Variants in TACR3 observed in about 807,000 individuals in gnomAD.
TACR3 encodes the protein neuromedin-K receptor.
In TACR3, 34 loss-of-function variants were observed where a neutral mutation model predicts 35.0. The ratio of observed to expected loss-of-function variants is 0.97; its 90% CI spans 0.74 to 1.30. TACR3 has a LOEUF of 1.30. Among genes scored for constraint, TACR3 ranks in the 50% most tolerant of loss-of-function variants. The pLI, the probability that TACR3 is intolerant of heterozygous loss-of-function variation, is 0.00. For missense variants in TACR3, 558 were observed against 591.7 expected (o/e 0.94, Z 0.59); for synonymous variants, 233 against 221.1 (o/e 1.05, Z -0.48).
At position 103,606,218 on chromosome 4, in the gene TACR3, G is replaced by A. The variant is rs1411550980; in HGVS notation, c.889-14535C>T. On this transcript the variant is annotated intron_variant, in intron 3 of 4. Coordinates refer to ENST00000304883, the MANE Select transcript of TACR3 (RefSeq NM_001059.3). ...TTGGTACCAGTACCATGCTGTTTTG[G>A]TTACTGTAGCCTTGTAGTATAGTTT... is the stretch of plus-strand genomic sequence containing the variant. Among the ~76,000 whole-genome samples, 9 of 151,926 alleles carry A rather than the reference G, an allele frequency of 5.9e-5. No homozygotes were observed. The East Asian group carries it at 1.2e-3, about 20-fold the overall frequency.
intron 3 of TACR3, among the ~76,000 whole-genome samples, chr4:103,641,489 G>A (rs978267406): frequency 2.6e-5 from 4 of 151,912 alleles, no homozygotes; most frequent in African/African-American, 9.7e-5. Context: ...GCAAGAATGT[G>A]GAGAAAAGGG....
intron 3 of TACR3, among the ~76,000 whole-genome samples, chr4:103,622,435 TAGAAATCAG>T (rs1353673418): frequency 3.9e-5 from 6 of 152,002 alleles, no homozygotes; most frequent in African/African-American, 1.4e-4. Context: ...CATGAAAAGA[TAGAAATCAG>T]TGAAAGGCCA....
At chr4:103,675,767 A>G (rs1026806584) in intron 1 of TACR3, among the ~76,000 whole-genome samples, 3 of 152,044 alleles carry the variant, frequency 2.0e-5, no homozygotes, top group African/African-American at 7.2e-5. Context: ...CATTTCCTCC[A>G]TGTGTCTCCC....
chr4:103,609,891 C>G, intron 3 of TACR3, among the ~76,000 whole-genome samples: 1 of 152,024 alleles, frequency 6.6e-6, no homozygotes, highest in East Asian at 1.9e-4. Flanking sequence ...GTTTGTTCCT[C>G]TGTGGTTGGC....
In TACR3 at chr4:103,656,285, G is replaced by A. The variant is rs780755925; in HGVS notation, c.797C>T (p.Thr266Ile). The A allele has an allele frequency of 9.3e-6, 15 of 1,612,682 alleles. No individual in the cohort carries two copies. The highest frequency in any genetic ancestry group is 1.7e-5 in the Admixed American group (1 of 59,908). ...YCFPLLIMGI[T>I]YTIVGITLWG... ...GAGAGTAATTCCAACAATGGTGTAT[G>A]TAATACCCATGATGAGCAATGGGAA... The change falls in exon 3 of 5, where the codon ACA becomes ATA. Residue 266 changes from threonine to isoleucine, a missense_variant. By Grantham distance (89) the Thr-to-Ile change is moderately conservative (BLOSUM62 -1). Transcript: ENST00000304883.
At chr4:103,641,197 A>G (rs909595510) in intron 3 of TACR3, among the ~76,000 whole-genome samples, 1 of 151,906 alleles carries the variant, frequency 6.6e-6, no homozygotes, top group African/African-American at 2.4e-5. Context: ...ACCTTTGTTA[A>G]TATCAATTTA....
chr4:103,704,540 G>T (rs1191015152), intron 1 of TACR3, among the ~76,000 whole-genome samples: 1 of 152,160 alleles, frequency 6.6e-6, no homozygotes, highest in African/African-American at 2.4e-5. Context: ...ATGGTGGCAG[G>T]TGAGACAGAG....
At chr4:103,608,769 A>C (rs1484933247) in intron 3 of TACR3, among the ~76,000 whole-genome samples, 1 of 152,066 alleles carries the variant, frequency 6.6e-6, no homozygotes, top group Non-Finnish European at 1.5e-5. Flanking sequence ...GGAGGTGGAC[A>C]TTTCTTCATT....
Position 103,710,124 on chromosome 4 carries a change from C to T in TACR3, c.548+9004G>A, listed in dbSNP as rs557666777. Among the ~76,000 whole-genome samples the T allele has an allele frequency of 6.6e-4, 101 of 152,268 alleles. No individual in the cohort carries two copies. The South Asian group carries it at 0.011, about 16-fold the overall frequency. Reference sequence around the variant, plus strand: ...AAGACAGAAAGTTAACAAGGGTATCCAGGAATTGAACTCAGCTCTGCACCA... The same window carrying T: ...AAGACAGAAAGTTAACAAGGGTATCTAGGAATTGAACTCAGCTCTGCACCA... On this transcript the variant is annotated intron_variant, in intron 1 of 4. Transcript: ENST00000304883.
chr4:103,628,334 T>C (rs985980396), intron 3 of TACR3, among the ~76,000 whole-genome samples: 1 of 151,968 alleles, frequency 6.6e-6, no homozygotes, highest in African/African-American at 2.4e-5. Context: ...AAAAAACCCT[T>C]CAAAAAATCA....
chr4:103,682,121 C>T (rs977089296), intron 1 of TACR3, among the ~76,000 whole-genome samples: 2 of 152,042 alleles, frequency 1.3e-5, no homozygotes, highest in Admixed American at 6.6e-5. Flanking sequence ...TAAAACAACA[C>T]CTTTTAAATT....
At chr4:103,620,867 C>G (rs1247948466) in intron 3 of TACR3, among the ~76,000 whole-genome samples, 2 of 149,548 alleles carry the variant, frequency 1.3e-5, no homozygotes, top group African/African-American at 2.5e-5. Context: ...TACACATGTA[C>G]TTGTCTCTAA....
chr4:103,702,154 G>A (rs1315385535), intron 1 of TACR3, among the ~76,000 whole-genome samples: 1 of 152,172 alleles, frequency 6.6e-6, no homozygotes, highest in Non-Finnish European at 1.5e-5. Context: ...TTACTCATCT[G>A]ACAAAGGGCT....
At chr4:103,636,634 T>C (rs1725198400) in intron 3 of TACR3, among the ~76,000 whole-genome samples, 1 of 152,038 alleles carries the variant, frequency 6.6e-6, no homozygotes, top group South Asian at 2.1e-4. Context: ...CTTCAAAAGA[T>C]TAATGAATCC....
intron 1 of TACR3, among the ~76,000 whole-genome samples, chr4:103,707,713 C>T (rs1401738854): frequency 6.6e-6 from 1 of 152,060 alleles, no homozygotes; most frequent in Non-Finnish European, 1.5e-5. Flanking sequence ...CATCGCCTCA[C>T]CTGGGAAGCA....
intron 1 of TACR3, among the ~76,000 whole-genome samples, chr4:103,700,968 A>T (rs1722636993): frequency 6.6e-6 from 1 of 152,210 alleles, no homozygotes; most frequent in East Asian, 1.9e-4. Context: ...AACTGGAAGC[A>T]TTCCCTTTGA....
intron 1 of TACR3, among the ~76,000 whole-genome samples, chr4:103,666,204 C>T (rs28679395): frequency 0.18 from 27,504 of 152,072 alleles, 5,830 homozygotes; most frequent in African/African-American, 0.52. Context: ...GGAATTAGAC[C>T]TCGTCTTGGT....
intron 1 of TACR3, among the ~76,000 whole-genome samples, chr4:103,668,566 G>A (rs997954074): frequency 3.3e-5 from 5 of 151,682 alleles, no homozygotes; most frequent in Admixed American, 6.6e-5. Context: ...CAGTTGTTTC[G>A]GCCAGGTGTG....
chr4:103,591,668 T>C lies in TACR3; in HGVS notation c.904A>G (p.Ile302Val), dbSNP rs1318356569. 1.2e-6 allele frequency: 2 copies of C among 1,612,740 alleles called. No homozygotes were observed. Among genetic ancestry groups the C allele is most frequent in the Non-Finnish European group, 1.7e-6 (2 of 1,179,558 alleles). Reference protein sequence around the residue: ...KAKRKVVKMMIIVVMTFAICW... With the variant: ...KAKRKVVKMMVIVVMTFAICW... ...ATAGCAAATGTCATGACAACAATAA[T>C]CATCATTTTGACAACCTATAAAGAA... The change falls in exon 4 of 5, where the codon ATT becomes GTT. Residue 302 changes from isoleucine to valine, a missense_variant. By Grantham distance (29) the Ile-to-Val change is conservative. Coordinates refer to ENST00000304883, the MANE Select transcript of TACR3 (RefSeq NM_001059.3).
Sources: allele counts gnomAD v4.1 joint callset (sites outside exome capture counted in the v4.1 genomes callset), GRCh38; gene constraint gnomAD v4.1.1; transcripts MANE v1.5; gene names NCBI Gene and HGNC (gene_info 2026-07-23, HGNC 2026-07-21).